Variants in MAP3K20 observed in about 807,000 individuals in gnomAD.
MAP3K20 encodes the protein HCCS-4.
A neutral mutation model predicts 85.7 loss-of-function variants in MAP3K20; 40 were observed. The ratio of observed to expected loss-of-function variants is 0.47; its 90% CI spans 0.36 to 0.61. The LOEUF (loss-of-function observed/expected upper bound fraction) is 0.61, where lower values mean the gene tolerates loss of function less well. Ranked by LOEUF, MAP3K20 falls within the 20% of genes least tolerant of loss-of-function variation. The pLI is 0.00. For missense variants in MAP3K20, 817 were observed against 961.7 expected (o/e 0.85, Z 1.99); for synonymous variants, 325 against 327.7 (o/e 0.99, Z 0.09).
chr2:173,219,736 CTA>C (rs1559285791), intron 11 of MAP3K20, among the ~76,000 whole-genome samples: 1 of 152,022 alleles, frequency 6.6e-6, no homozygotes, highest in Non-Finnish European at 1.5e-5. Context: ...AAAGAACAAG[CTA>C]CTTTTCAAAA....
At chr2:173,236,382 T>TAA (rs144819054) in intron 14 of MAP3K20, among the ~76,000 whole-genome samples, 13 of 148,794 alleles carry the variant, frequency 8.7e-5, no homozygotes, top group South Asian at 4.2e-4. Flanking sequence ...CACTTAAAAG[T>TAA]AAAAAAAAAA....
At chr2:173,176,160 C>T (rs1436636494) in intron 3 of MAP3K20, among the ~76,000 whole-genome samples, 2 of 151,948 alleles carry the variant, frequency 1.3e-5, no homozygotes, top group Admixed American at 6.6e-5. Context: ...AGTTAAGACA[C>T]CAATTTAATT....
At position 173,209,759 on chromosome 2, in the gene MAP3K20, A is replaced by G. The variant is rs1278507503; in HGVS notation, c.775A>G (p.Ile259Val). The G allele has an allele frequency of 1.2e-6, 2 of 1,612,478 alleles. No homozygotes were observed. Among genetic ancestry groups the G allele is most frequent in the South Asian group, 1.1e-5 (1 of 90,608 alleles). Residue 259 changes from isoleucine to valine, a missense_variant, in exon 10 of 20, where the codon ATC (isoleucine) becomes GTC (valine). Transcript: ENST00000375213. ...GCCATCATTCAAGCAAATCATTTCA[A>G]TCCTGGAGTCCATGTCAAATGACAC... ...KRPSFKQIIS[I>V]LESMSNDTSL...
chr2:173,159,452 C>T (rs1395141487), intron 2 of MAP3K20, among the ~76,000 whole-genome samples: 3 of 145,500 alleles, frequency 2.1e-5, no homozygotes, highest in Non-Finnish European at 4.5e-5. Flanking sequence ...TGCAGTGGCA[C>T]GGTCTCAGCT....
intron 2 of MAP3K20, among the ~76,000 whole-genome samples, chr2:173,165,826 A>C (rs146418817): frequency 0.022 from 3,277 of 152,116 alleles, 60 homozygotes; most frequent in South Asian, 0.046. Context: ...CATGTGCCAG[A>C]ACACCTGGCT....
intron 2 of MAP3K20, among the ~76,000 whole-genome samples, chr2:173,129,073 G>A (rs1455820997): frequency 5.3e-5 from 8 of 151,666 alleles, no homozygotes; most frequent in Non-Finnish European, 7.4e-5. Flanking sequence ...ACAGGTGCCC[G>A]CCACCATGGC....
intron 9 of MAP3K20, among the ~76,000 whole-genome samples, chr2:173,208,539 T>G (rs1683767572): frequency 6.6e-6 from 1 of 152,218 alleles, no homozygotes; most frequent in Non-Finnish European, 1.5e-5. Flanking sequence ...AGGCTTAATA[T>G]ATATCAGTAA....
At chr2:173,191,552 T>A (rs567060227) in intron 7 of MAP3K20, among the ~76,000 whole-genome samples, 5 of 152,342 alleles carry the variant, frequency 3.3e-5, no homozygotes, top group African/African-American at 1.2e-4. Context: ...TTCATTGTAA[T>A]GGATTGCTTA....
chr2:173,113,564 T>A (rs773099559), intron 2 of MAP3K20, among the ~76,000 whole-genome samples: 2 of 152,188 alleles, frequency 1.3e-5, no homozygotes, highest in Non-Finnish European at 2.9e-5. Flanking sequence ...GCCTTTGCTG[T>A]ATCCTAAAGG....
At chr2:173,117,030 A>T (rs940019038) in intron 2 of MAP3K20, among the ~76,000 whole-genome samples, 2 of 152,202 alleles carry the variant, frequency 1.3e-5, no homozygotes, top group Admixed American at 6.5e-5. Flanking sequence ...GGCAAGGCTT[A>T]TTTGGAGGTA....
intron 16 of MAP3K20, among the ~76,000 whole-genome samples, chr2:173,246,683 G>T (rs924642741): frequency 1.3e-5 from 2 of 152,096 alleles, no homozygotes; most frequent in African/African-American, 2.4e-5. Flanking sequence ...ATGCTCAACC[G>T]CCACAGACTT....
In MAP3K20 at chr2:173,229,876, G is replaced by C. The variant is rs1396430527; in HGVS notation, c.1032+143G>C. Reference sequence around the variant, plus strand: ...ATTCTTTTCTCACTCTGTCTCCCAGGCTGGAGTGCAGTGGTGCGATCTCAG... The same window carrying C: ...ATTCTTTTCTCACTCTGTCTCCCAGCCTGGAGTGCAGTGGTGCGATCTCAG... On this transcript the variant is annotated intron_variant, in intron 12 of 19. Coordinates refer to ENST00000375213, the MANE Select transcript of MAP3K20 (RefSeq NM_016653.3). The C allele has an allele frequency of 3.2e-6, 3 of 929,180 alleles. No individual in the cohort carries two copies. The Admixed American group carries it at 6.1e-5, about 19-fold the overall frequency. 57.6% of individuals were successfully genotyped at this position (929,180 alleles called of 1,614,324 possible).
chr2:173,238,683 G>C (rs992926890), intron 15 of MAP3K20, among the ~76,000 whole-genome samples: 1 of 152,328 alleles, frequency 6.6e-6, no homozygotes, highest in South Asian at 2.1e-4. Context: ...GCTAGGAGTT[G>C]TAAGTGCCAA....
intron 18 of MAP3K20, among the ~76,000 whole-genome samples, chr2:173,262,244 CTG>C (rs1558917111): frequency 1.3e-5 from 2 of 152,232 alleles, no homozygotes; most frequent in East Asian, 1.9e-4. Context: ...AAAGAGGACT[CTG>C]TGAGTGTGGC....
At chr2:173,178,990 ATCAG>A (rs1169537208) in intron 3 of MAP3K20, among the ~76,000 whole-genome samples, 1 of 152,342 alleles carries the variant, frequency 6.6e-6, no homozygotes, top group African/African-American at 2.4e-5. Context: ...AACATCTGAA[ATCAG>A]TCAATGTAAG....
At chr2:173,139,196 GT>G (rs1419643472) in intron 2 of MAP3K20, among the ~76,000 whole-genome samples, 1 of 152,188 alleles carries the variant, frequency 6.6e-6, no homozygotes, top group Non-Finnish European at 1.5e-5. Context: ...TTAATCTGAG[GT>G]TTTTCTGGCT....
chr2:173,232,621 A>G (rs1257513460), intron 14 of MAP3K20, among the ~76,000 whole-genome samples, 162 bp downstream of exon 14: 1 of 152,158 alleles, frequency 6.6e-6, no homozygotes, highest in Non-Finnish European at 1.5e-5. Context: ...CTCCTGCCTC[A>G]GCCTCCCAAG....
intron 16 of MAP3K20, 36 bp from the exon 17 acceptor site, chr2:173,258,663 C>T (rs780777724): frequency 9.7e-6 from 13 of 1,336,976 alleles, no homozygotes; most frequent in Non-Finnish European, 1.1e-5. Flanking sequence ...AATTGTTTCA[C>T]TTTCTCAAAT....
chr2:173,126,158 T>A (rs1688436997), intron 2 of MAP3K20, among the ~76,000 whole-genome samples: 1 of 152,148 alleles, frequency 6.6e-6, no homozygotes, highest in Non-Finnish European at 1.5e-5. Context: ...ATATATATAT[T>A]TTTAAAATAC....
Sources: gnomAD v4.1 joint callset for allele counts (sites outside exome capture counted in the v4.1 genomes callset) on GRCh38, gnomAD v4.1.1 for gene constraint, MANE v1.5 for transcripts, NCBI Gene and HGNC (gene_info 2026-07-23, HGNC 2026-07-21) for gene names.